Variants in SH2D1B observed in about 807,000 individuals in gnomAD.
SH2D1B encodes SH2 domain containing 1B, also known as SH2 domain-containing protein 1B.
A neutral mutation model predicts 16.3 loss-of-function variants in SH2D1B; 11 were observed. The observed-to-expected ratio is 0.67, with a 90% CI of 0.42 to 1.11. The LOEUF (loss-of-function observed/expected upper bound fraction) is 1.11. Ranked by LOEUF, SH2D1B falls within the 50% of genes most tolerant of loss-of-function variation. The pLI is 0.00. For synonymous variants in SH2D1B, 55 were observed against 56.1 expected (o/e 0.98, Z 0.09); for missense variants, 123 against 153.1 (o/e 0.80, Z 1.04).
At chr1:162,404,055 G>T (rs1648594847) in intron 1 of SH2D1B, among the ~76,000 whole-genome samples, 1 of 152,144 alleles carries the variant, frequency 6.6e-6, no homozygotes, top group South Asian at 2.1e-4. Flanking sequence ...ACGTTCTTAG[G>T]CAGGGCACAG....
intron 1 of SH2D1B, among the ~76,000 whole-genome samples, chr1:162,408,415 T>TTC (rs1381931547): frequency 7.5e-5 from 5 of 66,514 alleles, no homozygotes; most frequent in Non-Finnish European, 1.5e-4. Context: ...TTTTCTCTTC[T>TTC]TTTTTTTTTT....
intron 1 of SH2D1B, among the ~76,000 whole-genome samples, chr1:162,403,507 AAAAAATAT>A (rs1228703484): frequency 6.2e-4 from 13 of 21,022 alleles, no homozygotes; most frequent in Non-Finnish European, 7.3e-4. Context: ...AAAAAAAAAA[AAAAAATAT>A]ATATATATAT....
chr1:162,405,987 G>T (rs977983924), intron 1 of SH2D1B, among the ~76,000 whole-genome samples: 1 of 152,308 alleles, frequency 6.6e-6, no homozygotes, highest in Non-Finnish European at 1.5e-5. Flanking sequence ...CCTTCAAAAG[G>T]TCAGCTGAAG....
chr1:162,411,829 C>T, intron 1 of SH2D1B, 54 bp downstream of exon 1: 2 of 1,607,648 alleles, frequency 1.2e-6, no homozygotes, highest in Non-Finnish European at 1.7e-6. Context: ...TGTGTGGCAG[C>T]CATTGCCACA....
chr1:162,411,066 C>T lies in SH2D1B; in HGVS notation c.134+817G>A, dbSNP rs543792545. ...TGCCTCCTGGGTTCAAGTGATTCTC[C>T]TGTCTCAGCCTCTCAAGTAGCCAGT... On this transcript the variant is annotated intron_variant, in intron 1 of 3. Coordinates refer to ENST00000367929, the MANE Select transcript of SH2D1B (RefSeq NM_053282.5). Among the ~76,000 whole-genome samples, 3 of 152,216 alleles carry T rather than the reference C, an allele frequency of 2.0e-5. No individual in the cohort carries two copies. In the South Asian group the frequency reaches 6.2e-4, roughly 32 times the overall value.
chr1:162,405,671 T>C (rs1648638281), intron 1 of SH2D1B, among the ~76,000 whole-genome samples: 1 of 152,242 alleles, frequency 6.6e-6, no homozygotes, highest in Admixed American at 6.5e-5. Context: ...TTGTTTATTC[T>C]ATGGAAATCG....
chr1:162,400,107 T>C (rs1417073873), intron 2 of SH2D1B, among the ~76,000 whole-genome samples: 3 of 152,206 alleles, frequency 2.0e-5, no homozygotes, highest in Non-Finnish European at 2.9e-5. Flanking sequence ...CTTTAAAATA[T>C]GCATTTTGTA....
intron 2 of SH2D1B, among the ~76,000 whole-genome samples, chr1:162,399,309 T>C (rs1306477092): frequency 6.6e-6 from 1 of 152,092 alleles, no homozygotes; most frequent in African/African-American, 2.4e-5. Context: ...AATCAAGGGA[T>C]CCCAGCGCAG....
chr1:162,402,903 T>A (rs979994031), intron 1 of SH2D1B, 101 bp from the exon 2 acceptor site: 3 of 937,448 alleles, frequency 3.2e-6, no homozygotes, highest in Non-Finnish European at 5.0e-6. Flanking sequence ...TCTACAATCC[T>A]AAAAAAACTC....
At chr1:162,411,745 G>T in intron 1 of SH2D1B, 138 bp downstream of exon 1, 1 of 1,152,280 alleles carries the variant, frequency 8.7e-7, no homozygotes. Flanking sequence ...TCCTGGCAGT[G>T]TCCATTACTT....
At chr1:162,403,600 T>G (rs1571273684) in intron 1 of SH2D1B, among the ~76,000 whole-genome samples, 1 of 141,536 alleles carries the variant, frequency 7.1e-6, no homozygotes, top group African/African-American at 2.7e-5. Context: ...GAATCTAGTA[T>G]GTTGAAGAAA....
chr1:162,405,126 A>C (rs1482180657), intron 1 of SH2D1B, among the ~76,000 whole-genome samples: 1 of 152,256 alleles, frequency 6.6e-6, no homozygotes, highest in Non-Finnish European at 1.5e-5. Context: ...ACATAGATGG[A>C]TCTCAAAATA....
At position 162,397,315 on chromosome 1, in the gene SH2D1B, T is replaced by C. The variant is rs746001929; in HGVS notation, c.364A>G (p.Asn122Asp). 2 of 1,613,628 alleles carry C rather than the reference T, an allele frequency of 1.2e-6. No individual in the cohort carries two copies. Among genetic ancestry groups the C allele is most frequent in the East Asian group, 4.5e-5 (2 of 44,866 alleles). ...GLKLELETFV[N>D]SNSDYVDVLP is the part of the protein sequence containing the mutation. ...ACATCCACATAATCGCTGTTACTGT[T>C]CTTTGGAGGGAAAAAAAAAGCAGAA... Residue 122 changes from asparagine to aspartate, a missense_variant and splice_region_variant, in exon 4 of 4, where the codon AAC (asparagine) becomes GAC (aspartate). Transcript: ENST00000367929.
chr1:162,401,212 C>T (rs929645269), intron 2 of SH2D1B, among the ~76,000 whole-genome samples: 7 of 152,188 alleles, frequency 4.6e-5, no homozygotes, highest in South Asian at 2.1e-4. Context: ...CCCAGTGAAA[C>T]GCCTCTTTGT....
intron 1 of SH2D1B, 106 bp downstream of exon 1, chr1:162,411,777 C>T: frequency 6.7e-7 from 1 of 1,484,832 alleles, no homozygotes; most frequent in East Asian, 2.3e-5. Context: ...CATTGAGACT[C>T]CAAAGTCAGA....
Position 162,398,918 on chromosome 1 carries a change from T to C in SH2D1B, c.363+5A>G. 6.2e-7 allele frequency: 1 copy of C among 1,608,398 alleles called. No homozygotes were observed. The highest frequency in any genetic ancestry group is 8.5e-7 in the Non-Finnish European group (1 of 1,176,068). On this transcript the variant is annotated splice_donor_5th_base_variant and intron_variant, in intron 3 of 3. Transcript: ENST00000367929. ...GCTTTCTGACCCCCACGTGAGAGAT[T>C]TTACCACAAATGTTTCCAACTCTAA...
At chr1:162,406,167 TA>T (rs1363798874) in intron 1 of SH2D1B, among the ~76,000 whole-genome samples, 2 of 152,248 alleles carry the variant, frequency 1.3e-5, no homozygotes, top group African/African-American at 2.4e-5. Context: ...TTTGTGGTAC[TA>T]ATTTTTCAGT....
chr1:162,398,870 T>C, intron 3 of SH2D1B, 53 bp downstream of exon 3: 3 of 1,553,766 alleles, frequency 1.9e-6, no homozygotes, highest in South Asian at 1.2e-5. Context: ...AAGTAAGGCA[T>C]TGGTGGAAAT....
intron 1 of SH2D1B, among the ~76,000 whole-genome samples, chr1:162,407,806 A>AT (rs1648685618): frequency 6.6e-6 from 1 of 152,088 alleles, no homozygotes; most frequent in African/African-American, 2.4e-5. Context: ...TTTTCATCAT[A>AT]TTTTCTCCTC....
Sources: allele counts gnomAD v4.1 joint callset (sites outside exome capture counted in the v4.1 genomes callset), GRCh38; gene constraint gnomAD v4.1.1; transcripts MANE v1.5; gene names NCBI Gene and HGNC (gene_info 2026-07-23, HGNC 2026-07-21).